The following WDHD1 variants were observed in gnomAD, a reference collection of about 807,000 sequenced individuals.
The protein encoded by WDHD1 is WD repeat and HMG-box DNA binding protein 1.
WDHD1 carries 111 observed loss-of-function variants against 135.4 expected under a neutral mutation model. The observed-to-expected ratio is 0.82, with a 90% confidence interval of 0.70 to 0.96. WDHD1 has a LOEUF of 0.96. Among genes scored for constraint, WDHD1 ranks in the 40% least tolerant of loss-of-function variants. WDHD1 has a pLI of 0.00. For synonymous variants in WDHD1, 434 were observed against 439.0 expected, an observed-to-expected ratio of 0.99 and a Z score of 0.14; for missense variants, 1,351 against 1,336.3, an observed-to-expected ratio of 1.01 and a Z score of -0.17.
chr14:54,988,749 A>C (rs2041735363), intron 13 of WDHD1, among the ~76,000 whole-genome samples: 1 of 151,034 alleles, frequency 6.6e-6, no homozygotes, highest in Non-Finnish European at 1.5e-5. Flanking sequence ...AAAAAAAAAA[A>C]AGCACTTAAC....
chr14:55,002,203 C>T lies in WDHD1; in HGVS notation c.601-18G>A, dbSNP rs771209480. Reference sequence around the variant, plus strand: ...GCCAGTAACTATTAGAAAAGATAAACAACGTAAACAAAAGTTTACATTAAA... The same window carrying T: ...GCCAGTAACTATTAGAAAAGATAAATAACGTAAACAAAAGTTTACATTAAA... On this transcript the variant is annotated intron_variant, in intron 7 of 25. Transcript: ENST00000360586. 2 of 1,507,876 alleles carry T rather than the reference C, an allele frequency of 1.3e-6. No homozygotes were observed. The highest frequency in any genetic ancestry group is 1.2e-5 in the South Asian group (1 of 81,888). 93.4% of individuals were successfully genotyped at this position (1,507,876 alleles called of 1,614,324 possible).
chr14:54,951,175 C>T (rs1220231439), intron 24 of WDHD1, among the ~76,000 whole-genome samples: 1 of 151,596 alleles, frequency 6.6e-6, no homozygotes, highest in Non-Finnish European at 1.5e-5. Context: ...GATAGAGACA[C>T]AAAAAAGCCT....
At position 54,955,010 on chromosome 14, in the gene WDHD1, T is replaced by G. The variant is rs560896694; in HGVS notation, c.3050+551A>C. ...TCCCAAAGTGCTGAGATTATAGGCG[T>G]GAGCCACCATGCCCAGCCAGTATAA... is the stretch of plus-strand genomic sequence containing the variant. On this transcript the variant is annotated intron_variant, in intron 24 of 25. Coordinates refer to ENST00000360586, the MANE Select transcript of WDHD1 (RefSeq NM_007086.4). Among the ~76,000 whole-genome samples the G allele has an allele frequency of 2.6e-5, 4 of 152,350 alleles. No individual in the cohort carries two copies. The South Asian group carries it at 8.3e-4, about 32-fold the overall frequency.
In WDHD1 at chr14:54,997,092, T is replaced by C. The variant is rs1326711705; in HGVS notation, c.943-1279A>G. 7.6e-5 allele frequency among the ~76,000 whole-genome samples: 9 copies of C among 118,898 alleles called. No homozygotes were observed. In the East Asian group the frequency reaches 1.7e-3, roughly 23 times the overall value. 78.0% of individuals were successfully genotyped at this position (118,898 alleles called of 152,430 possible). On this transcript the variant is annotated intron_variant, in intron 10 of 25. Coordinates refer to ENST00000360586, the MANE Select transcript of WDHD1 (RefSeq NM_007086.4). ...GGCGTGAGCCACAGCGCCCAGCCTT[T>C]TTTTTTTTTTTTTTTTTTTTTGACA...
intron 13 of WDHD1, among the ~76,000 whole-genome samples, chr14:54,988,392 T>C (rs918264782): frequency 1.3e-5 from 2 of 152,140 alleles, no homozygotes; most frequent in Admixed American, 1.3e-4. Flanking sequence ...AGACTAATAG[T>C]TGGCCAAGGC....
At chr14:54,942,114 G>C (rs1443494568) in intron 25 of WDHD1, among the ~76,000 whole-genome samples, 2 of 151,986 alleles carry the variant, frequency 1.3e-5, no homozygotes, top group Non-Finnish European at 2.9e-5. Context: ...AGCCGGGCAT[G>C]GTAGCGGGCG....
rs2040835213 is a variant in WDHD1, at chr14:54,941,410, T to A, written c.*80A>T. The A allele has an allele frequency of 2.9e-5, 33 of 1,157,666 alleles. No homozygotes were observed. Among genetic ancestry groups the A allele is most frequent in the Non-Finnish European group, 4.0e-5 (33 of 830,672 alleles). The allele number at this position is 1,157,666 out of a possible 1,614,324, so 71.7% of individuals were successfully genotyped here. A position where few individuals can be genotyped will look rare whatever the true frequency, so the allele number is the denominator to read the frequency against. On this transcript the variant is annotated 3_prime_UTR_variant, in exon 26 of 26. Coordinates refer to ENST00000360586, the MANE Select transcript of WDHD1 (RefSeq NM_007086.4). ...AACTCTTTAAAAAATATATATATAA[T>A]GAGTTTCCCAAAGACTCGAGTCTAT...
chr14:54,949,522 T>C (rs1161333056), intron 24 of WDHD1, among the ~76,000 whole-genome samples: 22 of 152,168 alleles, frequency 1.4e-4, no homozygotes, highest in Admixed American at 1.0e-3. Context: ...AAATCTACGT[T>C]TGTTTGGTGT....
In WDHD1 at chr14:54,945,415, T is replaced by C. The variant is rs911883736; in HGVS notation, c.3051-945A>G. ...AATGACAATAACACTATGAGATGGA[T>C]ACAGTTATTATCTCCATTCCATAAG... On this transcript the variant is annotated intron_variant, in intron 24 of 25. Transcript: ENST00000360586. 2.6e-5 allele frequency among the ~76,000 whole-genome samples: 4 copies of C among 152,210 alleles called. No individual in the cohort carries two copies. In the East Asian group the frequency reaches 7.7e-4, roughly 29 times the overall value.
chr14:54,966,833 T>C lies in WDHD1; in HGVS notation c.2179-227A>G, dbSNP rs190656298. 9.2e-4 allele frequency among the ~76,000 whole-genome samples: 140 copies of C among 152,350 alleles called. 1 individual carries two copies. The highest frequency in any genetic ancestry group is 2.6e-3 in the African/African-American group (109 of 41,586). ...GAATACAGCATTTAAAACAGTTTCC[T>C]AGCTATCATAATTAATGCTCAGAGA... On this transcript the variant is annotated intron_variant, in intron 17 of 25. Coordinates refer to ENST00000360586, the MANE Select transcript of WDHD1 (RefSeq NM_007086.4).
At chr14:54,986,356 A>C (rs1340435993) in intron 14 of WDHD1, among the ~76,000 whole-genome samples, 1 of 151,224 alleles carries the variant, frequency 6.6e-6, no homozygotes, top group East Asian at 1.9e-4. Context: ...AAATAGAAAC[A>C]GGGGCTTGCT....
chr14:55,014,074 G>C (rs1368287355), intron 2 of WDHD1, among the ~76,000 whole-genome samples: 1 of 152,134 alleles, frequency 6.6e-6, no homozygotes, highest in Non-Finnish European at 1.5e-5. Flanking sequence ...AATAAAAGAT[G>C]AGTTTAATAC....
chr14:54,978,923 T>G (rs771475796), intron 16 of WDHD1, among the ~76,000 whole-genome samples: 1 of 152,220 alleles, frequency 6.6e-6, no homozygotes, highest in Non-Finnish European at 1.5e-5. Context: ...TTTCCAGAAC[T>G]GATGAAATGT....
intron 12 of WDHD1, among the ~76,000 whole-genome samples, chr14:54,989,563 C>T (rs2041750560): frequency 6.6e-6 from 1 of 151,880 alleles, no homozygotes; most frequent in South Asian, 2.1e-4. Flanking sequence ...AGAAATATTT[C>T]AAAAATTGAG....
chr14:54,998,326 C>T (rs971384748), intron 10 of WDHD1, among the ~76,000 whole-genome samples: 7 of 151,998 alleles, frequency 4.6e-5, no homozygotes, highest in Middle Eastern at 3.2e-3. Flanking sequence ...GACGGGGTTT[C>T]GTCATGTTGG....
At chr14:54,993,601 A>C (rs2041826733) in intron 11 of WDHD1, among the ~76,000 whole-genome samples, 1 of 152,236 alleles carries the variant, frequency 6.6e-6, no homozygotes, top group South Asian at 2.1e-4. Context: ...TTTTCAAATT[A>C]CATATTTATG....
At chr14:54,972,381 C>T (rs1189581173) in intron 16 of WDHD1, among the ~76,000 whole-genome samples, 1 of 151,064 alleles carries the variant, frequency 6.6e-6, no homozygotes, top group Non-Finnish European at 1.5e-5. Context: ...AGCTCGAGAC[C>T]AGCCTGGCCA....
chr14:54,999,176 T>C (rs2041939688), intron 10 of WDHD1, among the ~76,000 whole-genome samples: 1 of 152,210 alleles, frequency 6.6e-6, no homozygotes, highest in Non-Finnish European at 1.5e-5. Flanking sequence ...AGTGAGATGA[T>C]CATTTCAACA....
At chr14:54,945,425 A>G (rs1221594838) in intron 24 of WDHD1, among the ~76,000 whole-genome samples, 1 of 152,214 alleles carries the variant, frequency 6.6e-6, no homozygotes, top group African/African-American at 2.4e-5. Flanking sequence ...TACAGTTATT[A>G]TCTCCATTCC....
Sources: allele counts gnomAD v4.1 joint callset (sites outside exome capture counted in the v4.1 genomes callset), GRCh38; gene constraint gnomAD v4.1.1; transcripts MANE v1.5; gene names NCBI Gene and HGNC (gene_info 2026-07-23, HGNC 2026-07-21).